ALK: variants seen among roughly 807,000 people sequenced by gnomAD.
ALK encodes ALK tyrosine kinase receptor.
Under a neutral mutation model 163.1 loss-of-function variants are expected in ALK, and 74 were observed. The observed-to-expected ratio is 0.45, with a 90% confidence interval of 0.38 to 0.55. The LOEUF is 0.55. ALK is among the 20% of genes least tolerant of loss of function. The pLI is 0.00. For synonymous variants in ALK, 960 were observed against 843.2 expected, an observed-to-expected ratio of 1.14 and a Z score of -2.40; for missense variants, 2,063 against 2,105.3, an observed-to-expected ratio of 0.98 and a Z score of 0.39.
intron 4 of ALK, among the ~76,000 whole-genome samples, chr2:29,408,087 C>T (rs4614880): frequency 0.75 from 108,884 of 144,996 alleles, 40,956 homozygotes; most frequent in East Asian, 0.98. Context: ...AGTTCTTTTT[C>T]TTTTTTTTTT....
chr2:29,423,604 T>C (rs1028888263), intron 4 of ALK, among the ~76,000 whole-genome samples: 32 of 152,228 alleles, frequency 2.1e-4, no homozygotes, highest in African/African-American at 7.7e-4. Flanking sequence ...GCAATAAAAC[T>C]GCCATAAACT....
Position 29,537,192 on chromosome 2 carries a change from G to T in ALK, c.953-5076C>A, listed in dbSNP as rs567149990. 3.3e-5 allele frequency among the ~76,000 whole-genome samples: 5 copies of T among 152,326 alleles called. No homozygotes were observed. The South Asian group carries it at 1.0e-3, about 32-fold the overall frequency. On this transcript the variant is annotated intron_variant, in intron 3 of 28. Coordinates refer to ENST00000389048, the MANE Select transcript of ALK (RefSeq NM_004304.5). ...TAGCATGACTAAAAGGGAGCCAAGG[G>T]CTAATATCCAAGACAATAAAAAAAA...
At chr2:29,623,895 G>A (rs1676114007) in intron 3 of ALK, among the ~76,000 whole-genome samples, 1 of 152,164 alleles carries the variant, frequency 6.6e-6, no homozygotes. Context: ...TATTTGTAAA[G>A]CATGTTTACA....
chr2:29,675,490 C>T (rs923443021), intron 3 of ALK, among the ~76,000 whole-genome samples: 5 of 152,144 alleles, frequency 3.3e-5, no homozygotes, highest in East Asian at 3.9e-4. Flanking sequence ...ACCTTCCCTA[C>T]CAGCAAAACC....
intron 4 of ALK, among the ~76,000 whole-genome samples, chr2:29,397,731 T>A (rs962489962): frequency 1.1e-4 from 17 of 152,324 alleles, no homozygotes; most frequent in Middle Eastern, 3.4e-3. Context: ...CACGTTTACC[T>A]CTGCCTCCCA....
At chr2:29,456,973 T>C (rs1670972854) in intron 4 of ALK, among the ~76,000 whole-genome samples, 1 of 152,188 alleles carries the variant, frequency 6.6e-6, no homozygotes, top group South Asian at 2.1e-4. Flanking sequence ...ACATTTCTAC[T>C]GCAAGATGAC....
chr2:29,197,450 C>T (rs568543737), intron 27 of ALK, 92 bp downstream of exon 27: 2 of 1,581,202 alleles, frequency 1.3e-6, no homozygotes, highest in Non-Finnish European at 1.7e-6. Flanking sequence ...CCATCTGCCC[C>T]TTCATCTTAA....
chr2:29,492,829 C>T (rs1671934868), intron 4 of ALK, among the ~76,000 whole-genome samples: 1 of 152,204 alleles, frequency 6.6e-6, no homozygotes, highest in African/African-American at 2.4e-5. Flanking sequence ...AAATCAACTT[C>T]ATAGTGGTAA....
At chr2:29,251,083 C>T (rs760340292) in intron 12 of ALK, 22 bp downstream of exon 12, 3 of 1,612,300 alleles carry the variant, frequency 1.9e-6, no homozygotes, top group South Asian at 2.2e-5. Context: ...CTGCCCCTCC[C>T]CTCCCCCTCT....
At chr2:29,635,572 T>C (rs1676495944) in intron 3 of ALK, among the ~76,000 whole-genome samples, 1 of 152,120 alleles carries the variant, frequency 6.6e-6, no homozygotes, top group Admixed American at 6.6e-5. Context: ...CTTTGATTTT[T>C]AATTTCTGGC....
intron 1 of ALK, among the ~76,000 whole-genome samples, chr2:29,731,882 G>A (rs1679751505): frequency 6.6e-6 from 1 of 152,210 alleles, no homozygotes; most frequent in African/African-American, 2.4e-5. Context: ...GACTCCTTGG[G>A]AGGTTCTGTC....
intron 3 of ALK, among the ~76,000 whole-genome samples, chr2:29,653,056 G>A (rs1020063763): frequency 6.6e-6 from 1 of 152,120 alleles, no homozygotes. Context: ...TTTGGGGACT[G>A]ATCCCTCAAC....
At chr2:29,816,519 G>A (rs1398612983) in intron 1 of ALK, among the ~76,000 whole-genome samples, 5 of 152,086 alleles carry the variant, frequency 3.3e-5, no homozygotes, top group Non-Finnish European at 7.4e-5. Context: ...ATCAAGAAAG[G>A]CGATTCTAAA....
At chr2:29,769,947 A>G (rs549127689) in intron 1 of ALK, among the ~76,000 whole-genome samples, 85 of 152,312 alleles carry the variant, frequency 5.6e-4, no homozygotes, top group African/African-American at 2.0e-3. Flanking sequence ...AACTCCTAAA[A>G]AGGATTAGGC....
chr2:29,645,439 C>T (rs1403466515), intron 3 of ALK, among the ~76,000 whole-genome samples: 1 of 152,148 alleles, frequency 6.6e-6, no homozygotes, highest in Non-Finnish European at 1.5e-5. Flanking sequence ...TTTTCACCCA[C>T]ATTTTTCTCA....
intron 1 of ALK, among the ~76,000 whole-genome samples, chr2:29,900,997 GCAAGCA>G (rs1295663937): frequency 8.2e-6 from 1 of 121,532 alleles, no homozygotes; most frequent in African/African-American, 3.8e-5. Context: ...GAGAGAGAGA[GCAAGCA>G]AGCAAGCAAG....
In ALK at chr2:29,444,077, A is replaced by G. The variant is rs114355899; in HGVS notation, c.1155-60218T>C. On this transcript the variant is annotated intron_variant, in intron 4 of 28. Transcript: ENST00000389048. ...CTGTTTTCTCAAATGTTCACATAAAATAAACTACAGTAGAGAGCAACGTGA... is the reference window on the plus strand; with the variant it reads ...CTGTTTTCTCAAATGTTCACATAAAGTAAACTACAGTAGAGAGCAACGTGA... Among the ~76,000 whole-genome samples the G allele has an allele frequency of 4.4e-3, 675 of 152,358 alleles. 7 individuals are homozygous for G. The highest frequency in any genetic ancestry group is 0.014 in the African/African-American group (595 of 41,582).
intron 3 of ALK, among the ~76,000 whole-genome samples, chr2:29,656,741 C>G (rs959842701): frequency 6.6e-6 from 1 of 152,122 alleles, no homozygotes; most frequent in African/African-American, 2.4e-5. Context: ...TGGAGAGACT[C>G]AGAATCCAAT....
chr2:29,769,878 C>G (rs909874103), intron 1 of ALK, among the ~76,000 whole-genome samples: 1 of 152,186 alleles, frequency 6.6e-6, no homozygotes, highest in Non-Finnish European at 1.5e-5. Context: ...GAACAGTGAT[C>G]AGAAAGCTGC....
Sources: gnomAD v4.1 joint callset for allele counts (sites outside exome capture counted in the v4.1 genomes callset) on GRCh38, gnomAD v4.1.1 for gene constraint, MANE v1.5 for transcripts, NCBI Gene and HGNC (gene_info 2026-07-23, HGNC 2026-07-21) for gene names.